LRMDA: variants seen among roughly 807,000 people sequenced by gnomAD.
The protein encoded by LRMDA is leucine-rich melanocyte differentiation-associated protein.
A neutral mutation model predicts 29.8 loss-of-function variants in LRMDA; 18 were observed. The ratio of observed to expected loss-of-function variants is 0.60; its 90% CI spans 0.42 to 0.90. LRMDA has a LOEUF of 0.90. Among genes scored for constraint, LRMDA ranks in the 40% least tolerant of loss-of-function variants. The pLI is 0.00. For synonymous variants in LRMDA, 125 were observed against 109.4 expected (o/e 1.14, Z -0.89); for missense variants, 273 against 273.9 (o/e 1.00, Z 0.02).
intron 6 of LRMDA, among the ~76,000 whole-genome samples, chr10:76,393,006 T>A (rs759668403): frequency 1.3e-5 from 2 of 152,150 alleles, no homozygotes; most frequent in Middle Eastern, 3.2e-3. Flanking sequence ...TTGTTGCAAA[T>A]GACAAGATGT....
intron 2 of LRMDA, among the ~76,000 whole-genome samples, chr10:75,582,498 G>C (rs895487659): frequency 1.3e-5 from 2 of 152,216 alleles, no homozygotes; most frequent in East Asian, 1.9e-4. Flanking sequence ...GGGATACAGG[G>C]AGCAGTGTCC....
chr10:76,558,481 A>G lies in LRMDA; in HGVS notation c.*1193A>G, dbSNP rs1843585708. The G allele has an allele frequency of 6.6e-6, 1 of 152,194 alleles. No individual in the cohort carries two copies. Among genetic ancestry groups the G allele is most frequent in the Admixed American group, 6.5e-5 (1 of 15,288 alleles). The allele number at this position is 152,194 out of a possible 1,614,324, so 9.4% of individuals were successfully genotyped here. Reference sequence around the variant, plus strand: ...GATCATTGCTAGTTGGGTGACTCAAAGTTTATCTAACTTGCTGGTGCACCA... The same window carrying G: ...GATCATTGCTAGTTGGGTGACTCAAGGTTTATCTAACTTGCTGGTGCACCA... On this transcript the variant is annotated 3_prime_UTR_variant, in exon 7 of 7. Coordinates refer to ENST00000611255, the MANE Select transcript of LRMDA (RefSeq NM_001305581.2).
At chr10:75,925,660 AT>A (rs1478419305) in intron 2 of LRMDA, among the ~76,000 whole-genome samples, 1 of 7,464 alleles carries the variant, frequency 1.3e-4, no homozygotes, top group Non-Finnish European at 2.6e-4. Flanking sequence ...TTACATAAGC[AT>A]TTTCTTTTTC....
intron 2 of LRMDA, among the ~76,000 whole-genome samples, chr10:75,639,609 G>A (rs1259889171): frequency 6.6e-6 from 1 of 152,188 alleles, no homozygotes; most frequent in African/African-American, 2.4e-5. Flanking sequence ...ATGCGGCTTG[G>A]CGTGCAGTGC....
chr10:76,417,703 A>G (rs1842031450), intron 6 of LRMDA, among the ~76,000 whole-genome samples: 1 of 152,124 alleles, frequency 6.6e-6, no homozygotes, highest in Admixed American at 6.5e-5. Flanking sequence ...TTGGAGTTCA[A>G]TGTATTAGTC....
At chr10:75,837,804 C>G (rs61861028) in intron 2 of LRMDA, among the ~76,000 whole-genome samples, 1 of 151,896 alleles carries the variant, frequency 6.6e-6, no homozygotes, top group African/African-American at 2.4e-5. Context: ...CCATGGTTCT[C>G]GGAATCTGTG....
chr10:75,954,749 G>A (rs1370080932), intron 2 of LRMDA, among the ~76,000 whole-genome samples: 20 of 152,314 alleles, frequency 1.3e-4, no homozygotes, highest in Admixed American at 1.2e-3. Flanking sequence ...CTTGCAGAAC[G>A]CTTGTTGGCG....
chr10:75,598,735 T>G (rs1236443721), intron 2 of LRMDA, among the ~76,000 whole-genome samples: 1 of 152,188 alleles, frequency 6.6e-6, no homozygotes, highest in Non-Finnish European at 1.5e-5. Flanking sequence ...CGGTCTTTCT[T>G]ACGCATACCT....
At chr10:76,335,512 G>T (rs1479224099) in intron 6 of LRMDA, among the ~76,000 whole-genome samples, 3 of 152,180 alleles carry the variant, frequency 2.0e-5, no homozygotes, top group African/African-American at 7.2e-5. Context: ...TTAAGGATGC[G>T]CCTGTGACAC....
intron 2 of LRMDA, among the ~76,000 whole-genome samples, chr10:75,580,813 T>TG (rs1840579573): frequency 6.6e-6 from 1 of 152,140 alleles, no homozygotes; most frequent in Non-Finnish European, 1.5e-5. Flanking sequence ...AATCAAGAAA[T>TG]GGGGAAAGGA....
At chr10:75,996,922 C>T (rs917853513) in intron 2 of LRMDA, among the ~76,000 whole-genome samples, 5 of 151,874 alleles carry the variant, frequency 3.3e-5, no homozygotes, top group Non-Finnish European at 7.4e-5. Flanking sequence ...TTAGTAGAGA[C>T]GGGGTTTCAC....
chr10:75,976,008 A>G (rs185021585), intron 2 of LRMDA, among the ~76,000 whole-genome samples: 9 of 152,340 alleles, frequency 5.9e-5, no homozygotes, highest in African/African-American at 2.2e-4. Context: ...TCTATTTGCC[A>G]CATGGCAGCC....
At chr10:76,489,008 C>G (rs1302551052) in intron 6 of LRMDA, among the ~76,000 whole-genome samples, 1 of 151,762 alleles carries the variant, frequency 6.6e-6, no homozygotes, top group Non-Finnish European at 1.5e-5. Context: ...GTTTTGGTAT[C>G]AGAATTGATA....
At chr10:75,806,957 G>A (rs1843865655) in intron 2 of LRMDA, among the ~76,000 whole-genome samples, 1 of 152,024 alleles carries the variant, frequency 6.6e-6, no homozygotes, top group African/African-American at 2.4e-5. Flanking sequence ...CTTCCCGCTG[G>A]CAGAGGCATC....
intron 5 of LRMDA, among the ~76,000 whole-genome samples, chr10:76,142,130 T>G (rs1850213475): frequency 6.6e-6 from 1 of 152,092 alleles, no homozygotes; most frequent in Non-Finnish European, 1.5e-5. Flanking sequence ...CTGGAAGACA[T>G]CTTTTTCTGC....
intron 5 of LRMDA, among the ~76,000 whole-genome samples, chr10:76,155,046 C>A (rs899288372): frequency 1.2e-4 from 18 of 151,688 alleles, no homozygotes; most frequent in Non-Finnish European, 2.4e-4. Context: ...ATGTTCCCAT[C>A]AAAAAAAACC....
At chr10:75,855,301 C>G (rs1370574729) in intron 2 of LRMDA, among the ~76,000 whole-genome samples, 1 of 152,160 alleles carries the variant, frequency 6.6e-6, no homozygotes, top group Non-Finnish European at 1.5e-5. Flanking sequence ...TTTTGATTTG[C>G]ATTTCTCTGA....
At chr10:76,103,855 C>G (rs1849436195) in intron 5 of LRMDA, among the ~76,000 whole-genome samples, 1 of 151,986 alleles carries the variant, frequency 6.6e-6, no homozygotes, top group Admixed American at 6.6e-5. Flanking sequence ...TCAAGACCAG[C>G]CTGGCCAAGA....
chr10:76,453,234 G>A (rs1263627157), intron 6 of LRMDA, among the ~76,000 whole-genome samples: 1 of 152,158 alleles, frequency 6.6e-6, no homozygotes, highest in Non-Finnish European at 1.5e-5. Flanking sequence ...GGCTAAATAT[G>A]CTGTCCCTTC....
Sources: gnomAD v4.1 joint callset for allele counts (sites outside exome capture counted in the v4.1 genomes callset) on GRCh38, gnomAD v4.1.1 for gene constraint, MANE v1.5 for transcripts, NCBI Gene and HGNC (gene_info 2026-07-23, HGNC 2026-07-21) for gene names.